Variants in RBMXL1 observed in about 807,000 individuals in gnomAD.
The protein encoded by RBMXL1 is RBMX like 1.
A neutral mutation model predicts 29.0 loss-of-function variants in RBMXL1; 18 were observed. The ratio of observed to expected loss-of-function variants is 0.62; its 90% CI spans 0.43 to 0.92. The LOEUF is 0.92. Among genes scored for constraint, RBMXL1 ranks in the 40% least tolerant of loss-of-function variants. The pLI, the probability that RBMXL1 is intolerant of heterozygous loss-of-function variation, is 0.00. For missense variants in RBMXL1, 403 were observed against 495.8 expected (o/e 0.81, Z 1.78); for synonymous variants, 141 against 170.4 (o/e 0.83, Z 1.34).
intron 2 of RBMXL1, among the ~76,000 whole-genome samples, chr1:88,987,739 T>A (rs560164881): frequency 6.6e-6 from 1 of 152,230 alleles, no homozygotes; most frequent in Non-Finnish European, 1.5e-5. Flanking sequence ...AAAATATTGC[T>A]ACTTATATAA....
rs1184620610 is a variant in RBMXL1 at position 88,982,658 on chromosome 1, T to C, written c.1169A>G (p.Tyr390Cys). Residue 390 changes from tyrosine to cysteine, a missense_variant, in exon 3 of 3, where the codon TAC (tyrosine) becomes TGC (cysteine). Tyr to Cys is a radical substitution (Grantham distance 194). Transcript: ENST00000652648. ...RSDRGGGRSR[Y>C] is the part of the protein sequence containing the mutation. Reference sequence around the variant, plus strand: ...GGTCCAAAGTTTTGTTTGTTTCTAGTATCTGCTTCTGCCTCCCCCTCTATC... The same window carrying C: ...GGTCCAAAGTTTTGTTTGTTTCTAGCATCTGCTTCTGCCTCCCCCTCTATC... The C allele has an allele frequency of 1.4e-5, 23 of 1,594,782 alleles. No homozygotes were observed. The highest frequency in any genetic ancestry group is 1.9e-5 in the Non-Finnish European group (22 of 1,171,222).
rs918725468 is a variant in RBMXL1, at chr1:88,988,406, C to T, written c.-340-55G>A. 3.2e-6 allele frequency: 3 copies of T among 951,172 alleles called. No homozygotes were observed. In the Admixed American group the frequency reaches 5.9e-5, roughly 19 times the overall value. The allele number at this position is 951,172 out of a possible 1,614,324, so 58.9% of individuals were successfully genotyped here. On this transcript the variant is annotated intron_variant, in intron 1 of 2. Transcript: ENST00000652648. ...GAATAAATATATGATGGGTACATCA[C>T]TATCAGACACTTACAGCTAGCTGAT...
At chr1:88,988,896 A>G (rs550482361) in intron 1 of RBMXL1, among the ~76,000 whole-genome samples, 1 of 152,330 alleles carries the variant, frequency 6.6e-6, no homozygotes, top group South Asian at 2.1e-4. Flanking sequence ...ACTTCCTCCA[A>G]CAATTCCCAC....
At chr1:88,989,743 C>A (rs1359950261) in intron 1 of RBMXL1, among the ~76,000 whole-genome samples, 1 of 152,172 alleles carries the variant, frequency 6.6e-6, no homozygotes, top group Non-Finnish European at 1.5e-5. Context: ...CACCTTCCTT[C>A]TTAGGGAGCT....
chr1:88,983,117 G>C lies in RBMXL1; in HGVS notation c.710C>G (p.Pro237Arg). ...SSRDTRDYAP[P>R]PRDYTYRDYG... ...ATCACGGTAAGTATAATCTCGTGGT[G>C]GTGGTGCATAATCTCTTGTATCACG... Residue 237 changes from proline (P) to arginine (R), a missense_variant, in exon 3 of 3, where the codon CCA (proline) becomes CGA (arginine). Pro to Arg is a moderately radical substitution (Grantham distance 103). Transcript: ENST00000652648. 1.2e-6 allele frequency: 2 copies of C among 1,612,362 alleles called. No individual in the cohort carries two copies. Among genetic ancestry groups the C allele is most frequent in the South Asian group, 2.2e-5 (2 of 91,010 alleles).
chr1:88,989,361 A>G (rs1009233264), intron 1 of RBMXL1, among the ~76,000 whole-genome samples: 3 of 152,252 alleles, frequency 2.0e-5, no homozygotes, highest in Non-Finnish European at 4.4e-5. Context: ...AGATTAAAGC[A>G]GAATTCAATC....
intron 2 of RBMXL1, among the ~76,000 whole-genome samples, chr1:88,987,374 GA>G (rs1677525839): frequency 6.6e-6 from 1 of 152,136 alleles, no homozygotes; most frequent in Non-Finnish European, 1.5e-5. Flanking sequence ...AGACAGTTAT[GA>G]GGTAGAATTC....
chr1:88,984,284 G>T (rs1161642586), intron 2 of RBMXL1, among the ~76,000 whole-genome samples: 1 of 126,404 alleles, frequency 7.9e-6, no homozygotes, highest in African/African-American at 3.0e-5. Flanking sequence ...GCGCAATCTT[G>T]GCTCACTGCA....
Position 88,979,707 on chromosome 1 carries a change from C to A in RBMXL1, c.*2947G>T, listed in dbSNP as rs149674422. 6.6e-6 allele frequency: 1 copy of A among 152,200 alleles called. No individual in the cohort carries two copies. The highest frequency in any genetic ancestry group is 1.5e-5 in the Non-Finnish European group (1 of 68,040). The allele number at this position is 152,200 out of a possible 1,614,324, so 9.4% of individuals were successfully genotyped here. On this transcript the variant is annotated 3_prime_UTR_variant, in exon 3 of 3. Coordinates refer to ENST00000652648, the MANE Select transcript of RBMXL1 (RefSeq NM_001162536.3). The stretch of plus-strand genomic sequence containing the variant: ...GAGTGTTGGCAGTTGGAACTCTATA[C>A]AACCCTGGTGGGAATATAAAAGGGT...
Position 88,979,666 on chromosome 1 carries a change from A to G in RBMXL1, c.*2988T>C, listed in dbSNP as rs1002680186. On this transcript the variant is annotated 3_prime_UTR_variant, in exon 3 of 3. Transcript: ENST00000652648. ...AATGAGATACCACTAGATTCCCATC[A>G]GAATGGCTGAAAACTGAGTGTTGGC... is the stretch of plus-strand genomic sequence containing the variant. 6.6e-6 allele frequency: 1 copy of G among 152,250 alleles called. No homozygotes were observed. Among genetic ancestry groups the G allele is most frequent in the Non-Finnish European group, 1.5e-5 (1 of 68,048 alleles). The allele number at this position is 152,250 out of a possible 1,614,324, so 9.4% of individuals were successfully genotyped here.
rs1489284552 is a variant in RBMXL1 at position 88,983,178 on chromosome 1, T to C, written c.649A>G (p.Lys217Glu). 2 of 1,612,652 alleles carry C rather than the reference T, an allele frequency of 1.2e-6. No homozygotes were observed. The highest frequency in any genetic ancestry group is 1.7e-6 in the Non-Finnish European group (2 of 1,180,002). The change falls in exon 3 of 3, where the codon AAA becomes GAA. Residue 217 changes from lysine (K) to glutamate (E), a missense_variant. Physicochemically the swap from Lys to Glu is moderately conservative, Grantham distance 56. Transcript: ENST00000652648. ...TAATCTCTGCTTGAATAGCTGTCTTTAGTAGAATACCCATCATCTCTTGGG... is the reference window on the plus strand; with the variant it reads ...TAATCTCTGCTTGAATAGCTGTCTTCAGTAGAATACCCATCATCTCTTGGG... ...LSPRDDGYST[K>E]DSYSSRDYPS...
In RBMXL1 at chr1:88,982,916, T is replaced by A; in HGVS notation, c.911A>T (p.Tyr304Phe). ...ATCATCATAGCGACTGCTTCCACCA[T>A]AAGATGGCGGGGGCCCTCGTGTAAG... is the stretch of plus-strand genomic sequence containing the variant. ...APLTRGPPPS[Y>F]GGSSRYDDYS... Residue 304 changes from tyrosine (Y) to phenylalanine (F), a missense_variant, in exon 3 of 3, where the codon TAT becomes TTT. By Grantham distance (22) the Tyr-to-Phe change is conservative (BLOSUM62 3). Coordinates refer to ENST00000652648, the MANE Select transcript of RBMXL1 (RefSeq NM_001162536.3). 6.2e-7 allele frequency: 1 copy of A among 1,614,010 alleles called. No individual in the cohort carries two copies. Among genetic ancestry groups the A allele is most frequent in the Non-Finnish European group, 8.5e-7 (1 of 1,179,882 alleles).
chr1:88,981,035 C>A lies in RBMXL1; in HGVS notation c.*1619G>T, dbSNP rs926298025. 1 of 152,200 alleles carries A rather than the reference C, an allele frequency of 6.6e-6. No homozygotes were observed. Among genetic ancestry groups the A allele is most frequent in the African/African-American group, 2.4e-5 (1 of 41,452 alleles). The allele number at this position is 152,200 out of a possible 1,614,324, so 9.4% of individuals were successfully genotyped here. ...CTAATCCAACAACTCAAGTCTGTTT[C>A]CTTTGAGAACATTACACTATTGGCT... is the stretch of plus-strand genomic sequence containing the variant. On this transcript the variant is annotated 3_prime_UTR_variant, in exon 3 of 3. Coordinates refer to ENST00000652648, the MANE Select transcript of RBMXL1 (RefSeq NM_001162536.3).
chr1:88,980,395 C>T lies in RBMXL1; in HGVS notation c.*2259G>A, dbSNP rs1677024696. The stretch of plus-strand genomic sequence containing the variant: ...CCAAGCACCCGCCCAAGCAAGCCAA[C>T]TTTAACAAAATTATCTCATAGATTT... On this transcript the variant is annotated 3_prime_UTR_variant, in exon 3 of 3. Transcript: ENST00000652648. 6.6e-6 allele frequency: 1 copy of T among 151,842 alleles called. No individual in the cohort carries two copies. Among genetic ancestry groups the T allele is most frequent in the Non-Finnish European group, 1.5e-5 (1 of 67,954 alleles). 9.4% of individuals were successfully genotyped at this position (151,842 alleles called of 1,614,324 possible). A position where few individuals can be genotyped will look rare whatever the true frequency, so the allele number is the denominator to read the frequency against.
chr1:88,987,350 G>A (rs748232022), intron 2 of RBMXL1, among the ~76,000 whole-genome samples: 31 of 152,142 alleles, frequency 2.0e-4, no homozygotes, highest in Non-Finnish European at 4.0e-4. Context: ...GTGGCATAAA[G>A]AGGAGAGAAT....
intron 1 of RBMXL1, 121 bp downstream of exon 1, chr1:88,992,464 C>T (rs1677866513): frequency 1.3e-5 from 2 of 152,712 alleles, no homozygotes; most frequent in African/African-American, 2.4e-5. Flanking sequence ...CCCCCGCAGG[C>T]GGCCCCGCAG....
At chr1:88,989,197 G>C (rs1241707060) in intron 1 of RBMXL1, among the ~76,000 whole-genome samples, 1 of 152,128 alleles carries the variant, frequency 6.6e-6, no homozygotes, top group African/African-American at 2.4e-5. Context: ...TCAAACCTTA[G>C]AGAAAAAGAG....
In RBMXL1 at chr1:88,982,924, C is replaced by T. The variant is rs142293239; in HGVS notation, c.903G>A (p.Pro301=). 1.0e-4 allele frequency: 169 copies of T among 1,613,952 alleles called. No homozygotes were observed. In the African/African-American group the frequency reaches 1.9e-3, roughly 18 times the overall value. ...AGCGACTGCTTCCACCATAAGATGG[C>T]GGGGGCCCTCGTGTAAGTGGAGCAC... is the stretch of plus-strand genomic sequence containing the variant. ...SRSAPLTRGP[P]PSYGGSSRYD... is the part of the protein sequence containing the mutation. Residue 301 remains proline (P), a synonymous_variant, in exon 3 of 3, where the codon CCG becomes CCA. Coordinates refer to ENST00000652648, the MANE Select transcript of RBMXL1 (RefSeq NM_001162536.3).
In RBMXL1 at chr1:88,983,034, C is replaced by G. The variant is rs202218737; in HGVS notation, c.793G>C (p.Gly265Arg). 2.1e-5 allele frequency: 34 copies of G among 1,599,072 alleles called. No homozygotes were observed. Among genetic ancestry groups the G allele is most frequent in the Admixed American group, 1.7e-5 (1 of 58,560 alleles). Residue 265 changes from glycine (G) to arginine (R), a missense_variant, in exon 3 of 3, where the codon GGA becomes CGA. Coordinates refer to ENST00000652648, the MANE Select transcript of RBMXL1 (RefSeq NM_001162536.3). ...GAATAGTCACGATCACGACCATATC[C>G]ATCTCTATCGCCATAGCCTCTTGAT... ...YPSRGYGDRDGYGRDRDYSDH... is the reference protein window; with the variant it reads ...YPSRGYGDRDRYGRDRDYSDH...
Sources: gnomAD v4.1 joint callset for allele counts (sites outside exome capture counted in the v4.1 genomes callset) on GRCh38, gnomAD v4.1.1 for gene constraint, MANE v1.5 for transcripts, NCBI Gene and HGNC (gene_info 2026-07-23, HGNC 2026-07-21) for gene names.